The following SCML2 variants were observed in gnomAD, a reference collection of about 807,000 sequenced individuals.
SCML2 encodes Scm polycomb group protein like 2, also known as sex comb on midleg-like protein 2.
In SCML2, 6 loss-of-function variants were observed where a neutral mutation model predicts 48.4. The ratio of observed to expected loss-of-function variants is 0.12; its 90% CI spans 0.07 to 0.24. The LOEUF (loss-of-function observed/expected upper bound fraction) is 0.24, where lower values mean the gene tolerates loss of function less well. SCML2 is among the 10% of genes least tolerant of loss of function. SCML2 has a pLI of 1.00. For missense variants in SCML2, 377 were observed against 528.2 expected (o/e 0.71, Z 2.81); for synonymous variants, 181 against 189.5 (o/e 0.95, Z 0.37).
At chrX:18,299,372 G>C (rs1928504481) in intron 7 of SCML2, among the ~76,000 whole-genome samples, 1 of 110,414 alleles carries the variant, frequency 9.1e-6, no homozygotes, top group Non-Finnish European at 1.9e-5. Flanking sequence ...AAAAAAATTA[G>C]CCAGGCATAG....
intron 7 of SCML2, among the ~76,000 whole-genome samples, chrX:18,283,476 C>T (rs1927934401): frequency 8.9e-6 from 1 of 111,943 alleles, no homozygotes; most frequent in African/African-American, 3.2e-5. Context: ...AGCATCCAAA[C>T]AGGAAAAGAA....
At position 18,334,049 on chromosome X, in the gene SCML2, C is replaced by T; in HGVS notation, c.22+1G>A. 1 of 1,195,492 alleles carries T rather than the reference C, an allele frequency of 8.4e-7. No homozygotes were observed. Among genetic ancestry groups the T allele is most frequent in the Non-Finnish European group, 1.1e-6 (1 of 887,051 alleles). The stretch of plus-strand genomic sequence containing the variant: ...TATTGCCTTTAACAAGTAAATCTTA[C>T]CTTCATTCACTGTTTGTCCCATGGT... On this transcript the variant is annotated splice_donor_variant, in intron 2 of 14. Transcript: ENST00000251900. LOFTEE classifies it high-confidence loss of function.
At chrX:18,343,170 C>T (rs1930073240) in intron 1 of SCML2, among the ~76,000 whole-genome samples, 1 of 107,849 alleles carries the variant, frequency 9.3e-6, no homozygotes, top group African/African-American at 3.4e-5. Flanking sequence ...GCCCCACCTC[C>T]CTTTTTTTTT....
intron 11 of SCML2, among the ~76,000 whole-genome samples, chrX:18,254,788 G>C (rs111579413): frequency 0.21 from 23,657 of 110,128 alleles, 1,961 homozygotes; most frequent in Middle Eastern, 0.34. Flanking sequence ...GCCAGGCGTG[G>C]TGGCAGGTAC....
At chrX:18,273,569 T>G (rs1927530473) in intron 7 of SCML2, among the ~76,000 whole-genome samples, 1 of 111,601 alleles carries the variant, frequency 9.0e-6, no homozygotes, top group Non-Finnish European at 1.9e-5. Context: ...CCCAAGTATT[T>G]CCCAGATGTG....
intron 7 of SCML2, among the ~76,000 whole-genome samples, chrX:18,291,083 T>C (rs1928217952): frequency 8.9e-6 from 1 of 111,764 alleles, no homozygotes; most frequent in Admixed American, 9.5e-5. Flanking sequence ...CAAGATCAAA[T>C]AAGTTTGCAA....
intron 1 of SCML2, 67 bp from the exon 2 acceptor site, chrX:18,334,162 G>T: frequency 1.3e-6 from 1 of 753,148 alleles, no homozygotes; most frequent in Non-Finnish European, 2.0e-6. Context: ...TAAGAAGTCA[G>T]TTATAAGGCC....
chrX:18,304,825 T>C (rs1928706043), intron 7 of SCML2, 147 bp downstream of exon 7: 3 of 600,287 alleles, frequency 5.0e-6, no homozygotes, highest in Admixed American at 3.3e-5. Context: ...TACCTCCAGT[T>C]CTCTAGCCTG....
intron 6 of SCML2, among the ~76,000 whole-genome samples, chrX:18,309,554 T>G (rs1161851094): frequency 8.9e-6 from 1 of 111,742 alleles, no homozygotes; most frequent in African/African-American, 3.3e-5. Flanking sequence ...GTGGGCTGCA[T>G]AAAGAAAATT....
At position 18,253,015 on chromosome X, in the gene SCML2, A is replaced by G. The variant is rs745387154; in HGVS notation, c.1456+3833T>C. Among the ~76,000 whole-genome samples the G allele has an allele frequency of 7.2e-5, 8 of 111,883 alleles. No homozygotes were observed. The East Asian group carries it at 2.0e-3, about 28-fold the overall frequency. On this transcript the variant is annotated intron_variant, in intron 11 of 14. Coordinates refer to ENST00000251900, the MANE Select transcript of SCML2 (RefSeq NM_006089.3). The stretch of plus-strand genomic sequence containing the variant: ...CTTTATTTTATTGTGTGTTTGTGGC[A>G]AACACACAAGCCACCTAAACACAGG...
At chrX:18,330,942 G>A (rs766787890) in intron 2 of SCML2, among the ~76,000 whole-genome samples, 2 of 110,434 alleles carry the variant, frequency 1.8e-5, no homozygotes, top group African/African-American at 3.3e-5. Flanking sequence ...ACCTGGCATC[G>A]CAACACTCTC....
chrX:18,333,991 A>C, intron 2 of SCML2, 59 bp downstream of exon 2: 3 of 1,042,873 alleles, frequency 2.9e-6, no homozygotes, highest in East Asian at 3.1e-5. Context: ...GTATACCAGA[A>C]GATATTCATT....
chrX:18,302,292 G>A (rs1928618126), intron 7 of SCML2, among the ~76,000 whole-genome samples: 1 of 111,196 alleles, frequency 9.0e-6, no homozygotes, highest in Non-Finnish European at 1.9e-5. Flanking sequence ...CTTTGATAAT[G>A]TTGAGTACTT....
At chrX:18,249,624 C>T (rs1393945448) in intron 11 of SCML2, among the ~76,000 whole-genome samples, 1 of 111,416 alleles carries the variant, frequency 9.0e-6, no homozygotes, top group Non-Finnish European at 1.9e-5. Context: ...GGCCAAAAAG[C>T]TTAAAAGGAA....
At position 18,258,027 on chromosome X, in the gene SCML2, G is replaced by A; in HGVS notation, c.1273+17C>T. On this transcript the variant is annotated intron_variant, in intron 10 of 14. Transcript: ENST00000251900. ...GGGGGAAGGGACTGAATTAGACAAT[G>A]TATTAGATAAGTATACCAGTTATCA... is the stretch of plus-strand genomic sequence containing the variant. 1 of 1,157,122 alleles carries A rather than the reference G, an allele frequency of 8.6e-7. No homozygotes were observed. The highest frequency in any genetic ancestry group is 1.2e-6 in the Non-Finnish European group (1 of 847,152).
chrX:18,279,169 G>A, intron 7 of SCML2, among the ~76,000 whole-genome samples: 1 of 112,952 alleles, frequency 8.9e-6, no homozygotes, highest in South Asian at 3.6e-4. Flanking sequence ...TGGACACGAG[G>A]AAGTACAAAA....
chrX:18,313,992 G>T (rs985357874), intron 6 of SCML2, among the ~76,000 whole-genome samples: 1 of 111,461 alleles, frequency 9.0e-6, no homozygotes, highest in Non-Finnish European at 1.9e-5. Context: ...CATCATTGAG[G>T]TCTATTTATA....
At chrX:18,295,326 C>A (rs1387734966) in intron 7 of SCML2, among the ~76,000 whole-genome samples, 1 of 110,624 alleles carries the variant, frequency 9.0e-6, no homozygotes, top group African/African-American at 3.3e-5. Context: ...CCCAAGTATA[C>A]CTCCCGGGAG....
intron 7 of SCML2, among the ~76,000 whole-genome samples, chrX:18,300,940 A>C (rs2147519090): frequency 8.9e-6 from 1 of 112,099 alleles, no homozygotes; most frequent in South Asian, 3.7e-4. Flanking sequence ...TACAGCCACA[A>C]AATAGATAAA....
Sources: allele counts gnomAD v4.1 joint callset (sites outside exome capture counted in the v4.1 genomes callset), GRCh38; gene constraint gnomAD v4.1.1; transcripts MANE v1.5; gene names NCBI Gene and HGNC (gene_info 2026-07-23, HGNC 2026-07-21).